Variants in FUT8 observed in about 807,000 individuals in gnomAD.
FUT8 encodes alpha-(1,6)-fucosyltransferase.
Under a neutral mutation model 71.3 loss-of-function variants are expected in FUT8, and 29 were observed. The ratio of observed to expected loss-of-function variants is 0.41; its 90% CI spans 0.30 to 0.55. FUT8 has a LOEUF of 0.55. Among genes scored for constraint, FUT8 ranks in the 20% least tolerant of loss-of-function variants. FUT8 has a pLI of 0.34. For missense variants in FUT8, 544 were observed against 702.1 expected (o/e 0.77, Z 2.55); for synonymous variants, 254 against 239.3 (o/e 1.06, Z -0.57).
intron 2 of FUT8, among the ~76,000 whole-genome samples, chr14:65,485,990 G>C (rs993904306): frequency 4.6e-5 from 7 of 152,132 alleles, no homozygotes; most frequent in African/African-American, 2.4e-5. Flanking sequence ...TTTCTTTTAA[G>C]TGAGAGGACA....
chr14:65,378,793 T>TTATGAAAA, the FUT8 span, among the ~76,000 whole-genome samples: 16 of 149,868 alleles, frequency 1.1e-4, 1 homozygote, highest in South Asian at 3.4e-3. Context: ...ATGTAAAGAA[T>TTATGAAAA]TATGAAAAAT....
At chr14:65,684,289 T>A (rs543065597) in intron 7 of FUT8, among the ~76,000 whole-genome samples, 2 of 152,326 alleles carry the variant, frequency 1.3e-5, no homozygotes, top group East Asian at 3.9e-4. Context: ...AACACATCTG[T>A]AAATTATTGC....
chr14:65,675,234 A>G (rs1316855627), intron 7 of FUT8, among the ~76,000 whole-genome samples: 1 of 152,230 alleles, frequency 6.6e-6, no homozygotes, highest in African/African-American at 2.4e-5. Context: ...TTGTGAGCCT[A>G]CACTCTTACA....
At chr14:65,601,571 T>C (rs1299570432) in intron 3 of FUT8, among the ~76,000 whole-genome samples, 2 of 152,178 alleles carry the variant, frequency 1.3e-5, no homozygotes, top group Non-Finnish European at 2.9e-5. Context: ...CTTATTATCA[T>C]GTGAAACAAA....
At chr14:65,491,621 A>T (rs2066483295) in intron 2 of FUT8, among the ~76,000 whole-genome samples, 1 of 152,178 alleles carries the variant, frequency 6.6e-6, no homozygotes, top group African/African-American at 2.4e-5. Flanking sequence ...AAATCACATA[A>T]TTTTTAAAGC....
chr14:65,450,423 T>G (rs1173373745), intron 1 of FUT8, among the ~76,000 whole-genome samples: 2 of 152,240 alleles, frequency 1.3e-5, no homozygotes, highest in Non-Finnish European at 2.9e-5. Context: ...ACTTATCGTT[T>G]TACTTCTCTT....
intron 2 of FUT8, among the ~76,000 whole-genome samples, chr14:65,470,115 G>A (rs925687773): frequency 1.3e-5 from 2 of 152,222 alleles, no homozygotes; most frequent in Admixed American, 1.3e-4. Flanking sequence ...CTCAGAGGGG[G>A]CCTAGGCGGC....
At chr14:65,473,012 GT>G (rs2066172852) in intron 2 of FUT8, among the ~76,000 whole-genome samples, 1 of 152,032 alleles carries the variant, frequency 6.6e-6, no homozygotes, top group African/African-American at 2.4e-5. Flanking sequence ...ATTATTGAAT[GT>G]AAAAGAATTA....
chr14:65,379,435 C>T, the FUT8 span, among the ~76,000 whole-genome samples: 1 of 151,976 alleles, frequency 6.6e-6, no homozygotes, highest in Non-Finnish European at 1.5e-5. Flanking sequence ...GAGGCTGAGG[C>T]AGGAGAATCG....
chr14:65,589,353 A>T (rs910120432), intron 3 of FUT8, among the ~76,000 whole-genome samples: 115 of 151,928 alleles, frequency 7.6e-4, no homozygotes, highest in African/African-American at 2.6e-3. Flanking sequence ...TGGCATAGAG[A>T]CTTAGAATTC....
chr14:65,496,128 TTGAGG>T (rs1213154625), intron 2 of FUT8, among the ~76,000 whole-genome samples: 19 of 152,150 alleles, frequency 1.2e-4, no homozygotes, highest in African/African-American at 4.3e-4. Flanking sequence ...GTTGGCCCCC[TTGAGG>T]CTGCCTAGAT....
At chr14:65,558,311 A>G (rs904926156) in intron 2 of FUT8, among the ~76,000 whole-genome samples, 15 of 137,992 alleles carry the variant, frequency 1.1e-4, no homozygotes, top group African/African-American at 4.1e-4. Flanking sequence ...CAGCCTGGGC[A>G]ACAGAGCGAG....
intron 6 of FUT8, among the ~76,000 whole-genome samples, chr14:65,640,062 C>T (rs1447089991): frequency 6.6e-6 from 1 of 151,722 alleles, no homozygotes; most frequent in African/African-American, 2.4e-5. Context: ...ACTTTTTCTT[C>T]CTGGAATGGA....
intron 2 of FUT8, among the ~76,000 whole-genome samples, chr14:65,553,542 A>G (rs1024350303): frequency 6.6e-6 from 1 of 151,966 alleles, no homozygotes; most frequent in African/African-American, 2.4e-5. Flanking sequence ...ATCTGGTATC[A>G]TACTCCTCCT....
chr14:65,430,383 A>T (rs1019876802), intron 1 of FUT8: 3 of 152,142 alleles, frequency 2.0e-5, no homozygotes, highest in African/African-American at 7.2e-5. Flanking sequence ...AGTCCCACTG[A>T]ATTTTTAATA....
upstream of FUT8, among the ~76,000 whole-genome samples, chr14:65,406,747 AGGCTGGTCTT>A (rs1424139549): frequency 6.6e-6 from 1 of 152,170 alleles, no homozygotes; most frequent in East Asian, 1.9e-4. Context: ...CATGTTGGCC[AGGCTGGTCTT>A]GAACTCCTGT....
At chr14:65,538,307 C>T (rs973798189) in intron 2 of FUT8, among the ~76,000 whole-genome samples, 7 of 152,218 alleles carry the variant, frequency 4.6e-5, no homozygotes, top group Non-Finnish European at 1.0e-4. Context: ...GTTCAACTCA[C>T]CCTCTCCGCT....
chr14:65,581,707 CT>C (rs1187428313), intron 3 of FUT8, among the ~76,000 whole-genome samples: 3 of 151,130 alleles, frequency 2.0e-5, no homozygotes, highest in South Asian at 2.1e-4. Context: ...CTACTGGAAT[CT>C]TTTTTTTTCA....
intron 2 of FUT8, among the ~76,000 whole-genome samples, chr14:65,462,830 A>G (rs1384956962): frequency 6.6e-6 from 1 of 152,260 alleles, no homozygotes; most frequent in Non-Finnish European, 1.5e-5. Context: ...GGTTGAACCA[A>G]TGTTTTTAGA....
Sources: gnomAD v4.1 joint callset for allele counts (sites outside exome capture counted in the v4.1 genomes callset) on GRCh38, gnomAD v4.1.1 for gene constraint, MANE v1.5 for transcripts, NCBI Gene and HGNC (gene_info 2026-07-23, HGNC 2026-07-21) for gene names.